The following PIH1D2 variants were observed in gnomAD, a reference collection of about 807,000 sequenced individuals.
PIH1D2 encodes the protein PIH1 domain-containing protein 2.
Under a neutral mutation model 31.2 loss-of-function variants are expected in PIH1D2, and 25 were observed. The observed-to-expected ratio is 0.80, with a 90% confidence interval of 0.58 to 1.12. The LOEUF is 1.12. PIH1D2 is among the 50% of genes most tolerant of loss of function. The pLI is 0.00. For missense variants in PIH1D2, 310 were observed against 356.6 expected (o/e 0.87, Z 1.05); for synonymous variants, 116 against 119.9 (o/e 0.97, Z 0.21).
At chr11:112,057,281 G>T in the PIH1D2 span, among the ~76,000 whole-genome samples, 1 of 152,162 alleles carries the variant, frequency 6.6e-6, no homozygotes, top group East Asian at 1.9e-4. Context: ...AGGCCAATTA[G>T]TAACTCTACA....
chr11:112,057,330 G>A, the PIH1D2 span, among the ~76,000 whole-genome samples: 2 of 152,140 alleles, frequency 1.3e-5, no homozygotes, highest in South Asian at 2.1e-4. Context: ...AGACTTTCAC[G>A]TCTCTTACTT....
At chr11:112,060,179 T>G (rs1864482107), downstream of PIH1D2, 1 of 989,954 alleles carries the variant, frequency 1.0e-6, no homozygotes, top group African/African-American at 1.7e-5. Context: ...TTTTTTTTTT[T>G]TTGAGACGGA....
At chr11:112,063,161 G>A (rs1159165367), downstream of PIH1D2, 5 of 152,416 alleles carry the variant, frequency 3.3e-5, no homozygotes, top group African/African-American at 1.2e-4. Flanking sequence ...CCTACACATG[G>A]TTATTCCCCC....
chr11:112,063,802 GAACATTATCAC>G (rs1355799962), downstream of PIH1D2: 2 of 165,828 alleles, frequency 1.2e-5, no homozygotes, highest in Admixed American at 1.3e-4. Context: ...AATGAATTGG[GAACATTATCAC>G]AATTCCAGAC....
intron 1 of PIH1D2, 30 bp from the exon 2 acceptor site, chr11:112,073,235 ACTGT>A (rs1865204005): frequency 4.9e-6 from 7 of 1,418,570 alleles, no homozygotes; most frequent in Non-Finnish European, 4.8e-6. Flanking sequence ...CAGGAAGAAA[ACTGT>A]CTGTGTAATT....
chr11:112,066,329 T>A (rs1264666655), downstream of PIH1D2, among the ~76,000 whole-genome samples: 4 of 152,318 alleles, frequency 2.6e-5, no homozygotes, highest in East Asian at 7.7e-4. Flanking sequence ...CAACTACTTT[T>A]TTTGTTCAAA....
At chr11:112,059,242 G>C (rs981160736), downstream of PIH1D2, among the ~76,000 whole-genome samples, 1 of 152,166 alleles carries the variant, frequency 6.6e-6, no homozygotes, top group East Asian at 1.9e-4. Context: ...AAGGAGTTCT[G>C]ATTGGTGGGG....
chr11:112,056,791 A>G, the PIH1D2 span, among the ~76,000 whole-genome samples: 4 of 152,204 alleles, frequency 2.6e-5, no homozygotes, highest in African/African-American at 4.8e-5. Context: ...CTTCCCACCA[A>G]TAGTGGATAA....
rs1555184376 is a variant in PIH1D2, at chr11:112,070,448, A to G, written c.801T>C (p.Leu267=). The change falls in exon 5 of 6, where the codon CTT becomes CTC. Residue 267 remains leucine, a synonymous_variant. Transcript: ENST00000280350. ...PGINSVSLCD[L]SVSEDDLLIE... Reference sequence around the variant, plus strand: ...CTATTCAACTTACCTCAGAAACACTAAGGTCACAGAGAGAGACAGAATTAA... The same window carrying G: ...CTATTCAACTTACCTCAGAAACACTGAGGTCACAGAGAGAGACAGAATTAA... The G allele has an allele frequency of 6.2e-7, 1 of 1,613,766 alleles. No individual in the cohort carries two copies. Among genetic ancestry groups the G allele is most frequent in the South Asian group, 1.1e-5 (1 of 91,064 alleles).
At chr11:112,067,374 TAA>T (rs1203209520), downstream of PIH1D2, among the ~76,000 whole-genome samples, 2 of 150,952 alleles carry the variant, frequency 1.3e-5, no homozygotes, top group Non-Finnish European at 3.0e-5. Context: ...TTAAAAAATA[TAA>T]GACATGGCCA....
chr11:112,062,764 C>A, downstream of PIH1D2: 2 of 496,770 alleles, frequency 4.0e-6, no homozygotes, highest in South Asian at 2.1e-5. Flanking sequence ...CTCTGTACTC[C>A]TAATTAAGGG....
chr11:112,065,302 G>A (rs1404814785), downstream of PIH1D2, among the ~76,000 whole-genome samples: 1 of 152,138 alleles, frequency 6.6e-6, no homozygotes, highest in Non-Finnish European at 1.5e-5. Flanking sequence ...GAATATTTTG[G>A]AAAATAACTA....
At chr11:112,067,685 A>AAAAAAAAAATATATAT, downstream of PIH1D2, 12 of 17,802 alleles carry the variant, frequency 6.7e-4, no homozygotes, top group African/African-American at 8.7e-4. Flanking sequence ...AAAAAAAAAA[A>AAAAAAAAAATATATAT]ATATATATAT....
chr11:112,069,573 C>T (rs139674648), intron 5 of PIH1D2, among the ~76,000 whole-genome samples: 5 of 152,018 alleles, frequency 3.3e-5, no homozygotes, highest in Non-Finnish European at 7.4e-5. Flanking sequence ...GCACATTCTC[C>T]GATACTCTTC....
intron 2 of PIH1D2, 106 bp from the exon 3 acceptor site, chr11:112,071,864 G>A (rs587615983): frequency 3.3e-6 from 4 of 1,224,696 alleles, no homozygotes; most frequent in African/African-American, 1.5e-5. Context: ...GGTCCAAGGC[G>A]GCCGGATCAC....
chr11:112,053,095 G>A, the PIH1D2 span, among the ~76,000 whole-genome samples: 1 of 152,134 alleles, frequency 6.6e-6, no homozygotes, highest in African/African-American at 2.4e-5. Flanking sequence ...GCCGAGGCAG[G>A]TGGATCACTT....
intron 1 of PIH1D2, among the ~76,000 whole-genome samples, chr11:112,073,480 T>A (rs1321129246): frequency 1.3e-5 from 2 of 152,140 alleles, no homozygotes. Flanking sequence ...GGTTTCCTGA[T>A]CTTCTTGTTC....
At chr11:112,066,315 A>G (rs1566649298), downstream of PIH1D2, among the ~76,000 whole-genome samples, 2 of 152,166 alleles carry the variant, frequency 1.3e-5, no homozygotes, top group Admixed American at 6.5e-5. Context: ...ACTTGTCCCA[A>G]TGTCAACTAC....
chr11:112,070,635 A>G lies in PIH1D2; in HGVS notation c.614T>C (p.Leu205Pro). ...TTTGCCTGAAACTTGGTCTTTTGGC[A>G]GTAACAGTTGAGGAAAGTGATCTGG... ...SNPDHFPQLL[L>P]PKDQVSGKAV... Residue 205 changes from leucine (L) to proline (P), a missense_variant, in exon 5 of 6, where the codon CTG (leucine) becomes CCG (proline). Leu to Pro is a moderately conservative substitution (Grantham distance 98). Transcript: ENST00000280350. 6.2e-7 allele frequency: 1 copy of G among 1,614,188 alleles called. No homozygotes were observed. Among genetic ancestry groups the G allele is most frequent in the Non-Finnish European group, 8.5e-7 (1 of 1,180,022 alleles).
Sources: gnomAD v4.1 joint callset for allele counts (sites outside exome capture counted in the v4.1 genomes callset) on GRCh38, gnomAD v4.1.1 for gene constraint, MANE v1.5 for transcripts, NCBI Gene and HGNC (gene_info 2026-07-23, HGNC 2026-07-21) for gene names.